Variants in KSR2 observed in about 807,000 individuals in gnomAD.
KSR2 encodes kinase suppressor of ras 2.
In KSR2, 25 loss-of-function variants were observed where a neutral mutation model predicts 107.8. The observed-to-expected ratio is 0.23, with a 90% CI of 0.17 to 0.32. The LOEUF is 0.32. KSR2 is among the 10% of genes least tolerant of loss of function. The pLI, the probability that KSR2 is intolerant of heterozygous loss-of-function variation, is 1.00. For synonymous variants in KSR2, 480 were observed against 507.0 expected (o/e 0.95, Z 0.71); for missense variants, 887 against 1,268.9 (o/e 0.70, Z 4.57).
In KSR2 at chr12:117,761,575, G is replaced by A. The variant is rs1889025373; in HGVS notation, c.473-51C>T. ...CAATGGGTAAGCCATGAGAAAGCCA[G>A]GTGAGTTACACCATACACACCATTA... On this transcript the variant is annotated intron_variant, in intron 3 of 19. Transcript: ENST00000339824. 3.0e-5 allele frequency: 48 copies of A among 1,576,706 alleles called. No homozygotes were observed. The South Asian group carries it at 5.0e-4, about 16-fold the overall frequency.
rs1265433251 is a variant in KSR2, at chr12:117,461,333, G to A, written c.*5866C>T. The A allele has an allele frequency of 1.3e-5, 2 of 152,200 alleles. No individual in the cohort carries two copies. The highest frequency in any genetic ancestry group is 4.8e-5 in the African/African-American group (2 of 41,412). The allele number at this position is 152,200 out of a possible 1,614,324, so 9.4% of individuals were successfully genotyped here. ...GGGGTTGATATGGCACCCACAACAT[G>A]GTCTGGCAAAGGGGAATCCCAATAC... On this transcript the variant is annotated 3_prime_UTR_variant, in exon 20 of 20. Transcript: ENST00000339824.
chr12:117,566,153 T>G (rs10850841), intron 7 of KSR2, among the ~76,000 whole-genome samples: 30,136 of 151,924 alleles, frequency 0.2, 3,216 homozygotes, highest in Middle Eastern at 0.33. Flanking sequence ...GGCCGCCATG[T>G]CTATTGTCCC....
intron 7 of KSR2, 103 bp from the exon 8 acceptor site, chr12:117,558,676 T>A: frequency 1.2e-6 from 1 of 805,316 alleles, no homozygotes; most frequent in Non-Finnish European, 2.2e-6. Flanking sequence ...GGTGGATGAA[T>A]GGATGGGTGA....
intron 4 of KSR2, among the ~76,000 whole-genome samples, chr12:117,742,755 G>C (rs7953185): frequency 0.069 from 10,493 of 152,216 alleles, 1,244 homozygotes; most frequent in African/African-American, 0.24. Flanking sequence ...TATTTTGAAG[G>C]CTTAACCAAC....
At chr12:117,502,199 C>T (rs1222137101) in intron 14 of KSR2, among the ~76,000 whole-genome samples, 1 of 152,212 alleles carries the variant, frequency 6.6e-6, no homozygotes, top group Non-Finnish European at 1.5e-5. Context: ...AAAGACATGT[C>T]AATGCATGCA....
chr12:117,741,105 G>A (rs769587500), intron 4 of KSR2, among the ~76,000 whole-genome samples: 2 of 152,176 alleles, frequency 1.3e-5, no homozygotes, highest in Non-Finnish European at 2.9e-5. Context: ...AGGATGCAGT[G>A]GCCAGCTAGA....
At position 117,525,225 on chromosome 12, in the gene KSR2, G is replaced by GC; in HGVS notation, c.1852-7dup. 6.3e-7 allele frequency: 1 copy of GC among 1,582,340 alleles called. No homozygotes were observed. The highest frequency in any genetic ancestry group is 8.6e-7 in the Non-Finnish European group (1 of 1,160,744). On this transcript the variant is annotated splice_polypyrimidine_tract_variant and splice_region_variant and intron_variant, in intron 13 of 19. Coordinates refer to ENST00000339824, the MANE Select transcript of KSR2 (RefSeq NM_173598.6). The stretch of plus-strand genomic sequence containing the variant: ...TCATCATGGACCTCTTCATTCTGTG[G>GC]CCGGAGTGGGAGAGAGGTCAGAATT...
At chr12:117,564,377 G>A (rs1009466546) in intron 7 of KSR2, among the ~76,000 whole-genome samples, 4 of 152,208 alleles carry the variant, frequency 2.6e-5, no homozygotes, top group African/African-American at 9.7e-5. Flanking sequence ...AGCATCTAAT[G>A]AGAGAATGTC....
intron 3 of KSR2, among the ~76,000 whole-genome samples, chr12:117,833,130 G>T (rs762778978): frequency 6.6e-6 from 1 of 152,184 alleles, no homozygotes; most frequent in Non-Finnish European, 1.5e-5. Context: ...CAAGCTGTGC[G>T]GCCTTTGCTA....
intron 3 of KSR2, among the ~76,000 whole-genome samples, chr12:117,806,578 A>G (rs534971919): frequency 4.6e-5 from 7 of 152,268 alleles, no homozygotes; most frequent in Middle Eastern, 3.4e-3. Context: ...ACAGTCAACA[A>G]TGTGGTGCAA....
At chr12:117,688,039 C>A (rs191150220) in intron 4 of KSR2, among the ~76,000 whole-genome samples, 1 of 152,072 alleles carries the variant, frequency 6.6e-6, no homozygotes, top group South Asian at 2.1e-4. Flanking sequence ...CCAAAGATCT[C>A]GTCTCTAACG....
chr12:117,843,364 G>A (rs1237633454), intron 3 of KSR2, among the ~76,000 whole-genome samples: 1 of 152,086 alleles, frequency 6.6e-6, no homozygotes, highest in African/African-American at 2.4e-5. Context: ...TGGCTACAAG[G>A]GGCCTCAGGA....
chr12:117,793,295 TAC>T (rs1890355108), intron 3 of KSR2, among the ~76,000 whole-genome samples: 1 of 57,336 alleles, frequency 1.7e-5, no homozygotes, highest in Admixed American at 2.3e-4. Flanking sequence ...CAACATACCA[TAC>T]ACACAACATG....
rs563175641 is a variant in KSR2 at position 117,525,143 on chromosome 12, C to T, written c.1928G>A (p.Arg643Gln). The T allele has an allele frequency of 1.7e-5, 28 of 1,613,956 alleles. No homozygotes were observed. Among genetic ancestry groups the T allele is most frequent in the Middle Eastern group, 1.7e-4 (1 of 6,060 alleles). The change falls in exon 14 of 20, where the codon CGG (arginine) becomes CAG (glutamine). Residue 643 changes from arginine (R) to glutamine (Q), a missense_variant. By Grantham distance (43) the Arg-to-Gln change is conservative. This residue lies in a region of KSR2 where 308 missense variants were observed against 506.2 expected (regional missense o/e 0.61). Transcript: ENST00000339824. ...EEMNLSLLSA[R>Q]SFPRKASQTS... ...CTGGCTGGCCTTGCGTGGGAAGCTC[C>T]GGGCCGAGAGGAGGGACAGGTTCAT...
At chr12:117,885,273 C>G (rs895913637) in intron 1 of KSR2, among the ~76,000 whole-genome samples, 1 of 152,164 alleles carries the variant, frequency 6.6e-6, no homozygotes, top group Admixed American at 6.5e-5. Context: ...GTGCTTTCTA[C>G]GTAGAAGGCA....
chr12:117,529,442 C>A (rs1185726552), intron 12 of KSR2, among the ~76,000 whole-genome samples: 1 of 152,142 alleles, frequency 6.6e-6, no homozygotes, highest in East Asian at 1.9e-4. Context: ...TCTCCAACTC[C>A]TGACCTCAGG....
At position 117,968,893 on chromosome 12, in the gene KSR2, C is replaced by T; in HGVS notation, c.-638G>A. ...GGCTGGCTGCTGTCTCCTCCCCGCG[C>T]TGCTGCTGCTGCTGCTGCTGCCGCC... On this transcript the variant is annotated 5_prime_UTR_variant, in exon 1 of 20. Transcript: ENST00000339824. The T allele has an allele frequency of 4.6e-6, 1 of 216,320 alleles. No homozygotes were observed. Among genetic ancestry groups the T allele is most frequent in the South Asian group, 5.1e-5 (1 of 19,496 alleles). 13.4% of individuals were successfully genotyped at this position (216,320 alleles called of 1,614,324 possible). A position where few individuals can be genotyped will look rare whatever the true frequency, so the allele number is the denominator to read the frequency against.
intron 3 of KSR2, among the ~76,000 whole-genome samples, chr12:117,772,291 A>G (rs1272071237): frequency 1.4e-5 from 2 of 143,196 alleles, no homozygotes; most frequent in African/African-American, 5.3e-5. Flanking sequence ...ACACTCACAC[A>G]TACACACCAT....
chr12:117,896,640 A>G (rs1316754277), intron 1 of KSR2, among the ~76,000 whole-genome samples: 1 of 151,888 alleles, frequency 6.6e-6, no homozygotes, highest in Non-Finnish European at 1.5e-5. Flanking sequence ...TTGTATTTTT[A>G]GTAGAGATGA....
Sources: allele counts gnomAD v4.1 joint callset (sites outside exome capture counted in the v4.1 genomes callset), GRCh38; gene constraint gnomAD v4.1.1; regional missense constraint gnomAD v4.1.1; transcripts MANE v1.5; gene names NCBI Gene and HGNC (gene_info 2026-07-23, HGNC 2026-07-21).